Variants in CFAP299 observed in about 807,000 individuals in gnomAD.
CFAP299 encodes cilia and flagella associated protein 299.
CFAP299 carries 21 observed loss-of-function variants against 27.0 expected under a neutral mutation model. The observed-to-expected ratio is 0.78, with a 90% CI of 0.55 to 1.12. The LOEUF (loss-of-function observed/expected upper bound fraction) is 1.12. CFAP299 is among the 50% of genes most tolerant of loss of function. The pLI, the probability that CFAP299 is intolerant of heterozygous loss-of-function variation, is 0.00. For synonymous variants in CFAP299, 104 were observed against 98.1 expected (o/e 1.06, Z -0.36); for missense variants, 310 against 276.6 (o/e 1.12, Z -0.86).
rs74351832 is a variant in CFAP299, at chr4:80,922,749, G to A, written c.477-22061G>A. Reference sequence around the variant, plus strand: ...AATATGTTGACTATGAAGAATATAAGGTATAAACAAGAAAACTGAAATCAC... The same window carrying A: ...AATATGTTGACTATGAAGAATATAAAGTATAAACAAGAAAACTGAAATCAC... On this transcript the variant is annotated intron_variant, in intron 4 of 5. Transcript: ENST00000358105. 3.6e-3 allele frequency among the ~76,000 whole-genome samples: 549 copies of A among 150,866 alleles called. 2 individuals carry two copies. The highest frequency in any genetic ancestry group is 0.012 in the African/African-American group (512 of 41,226).
intron 4 of CFAP299, among the ~76,000 whole-genome samples, chr4:80,927,580 G>A (rs1255386397): frequency 6.6e-6 from 1 of 152,056 alleles, no homozygotes; most frequent in Non-Finnish European, 1.5e-5. Flanking sequence ...TCAAGGTGTT[G>A]GCAGAGCTGC....
At chr4:80,852,595 G>A (rs77892638) in intron 3 of CFAP299, among the ~76,000 whole-genome samples, 2,923 of 152,244 alleles carry the variant, frequency 0.019, 66 homozygotes, top group Admixed American at 0.062. Flanking sequence ...ATTAATTTAC[G>A]TGATTCCTTT....
chr4:80,590,038 A>G (rs1427110537), intron 3 of CFAP299, among the ~76,000 whole-genome samples: 1 of 152,208 alleles, frequency 6.6e-6, no homozygotes, highest in East Asian at 1.9e-4. Context: ...GCATAACCTG[A>G]ATGTTCATAA....
chr4:80,493,005 T>A (rs1731217948), intron 2 of CFAP299, among the ~76,000 whole-genome samples: 1 of 152,106 alleles, frequency 6.6e-6, no homozygotes, highest in African/African-American at 2.4e-5. Flanking sequence ...ATCTCCTATC[T>A]CCAGGAAGTG....
At chr4:80,531,747 GTTTTTTTTTTT>G (rs200507684) in intron 2 of CFAP299, among the ~76,000 whole-genome samples, 7 of 116,488 alleles carry the variant, frequency 6.0e-5, no homozygotes, top group Non-Finnish European at 1.0e-4. Context: ...TAAGATAGAA[GTTTTTTTTTTT>G]TTTTTTTTTT....
intron 2 of CFAP299, among the ~76,000 whole-genome samples, chr4:80,487,301 C>T (rs1222662184): frequency 1.8e-4 from 28 of 152,150 alleles, no homozygotes; most frequent in Admixed American, 1.8e-3. Context: ...GTATGTAGCA[C>T]TGTATCACTT....
Position 80,606,284 on chromosome 4 carries a change from C to T in CFAP299, c.333+23101C>T, listed in dbSNP as rs569803319. 5.9e-5 allele frequency among the ~76,000 whole-genome samples: 9 copies of T among 152,258 alleles called. No homozygotes were observed. In the East Asian group the frequency reaches 7.7e-4, roughly 13 times the overall value. On this transcript the variant is annotated intron_variant, in intron 3 of 5. Transcript: ENST00000358105. ...GGGCGTGGTGGCTCACGCTTGTAAT[C>T]CCAGTGCTTTGGGAGGCCAAGGCGG...
intron 4 of CFAP299, among the ~76,000 whole-genome samples, chr4:80,887,972 A>G (rs1034185163): frequency 6.6e-6 from 1 of 152,070 alleles, no homozygotes; most frequent in African/African-American, 2.4e-5. Flanking sequence ...AAATCATACA[A>G]TGGGCATATA....
intron 2 of CFAP299, among the ~76,000 whole-genome samples, chr4:80,500,186 A>G (rs113419617): frequency 2.0e-5 from 3 of 152,094 alleles, no homozygotes; most frequent in Non-Finnish European, 2.9e-5. Context: ...TTATCCTGCT[A>G]TTCTACCTAG....
At chr4:80,954,580 A>G (rs1261207802) in intron 5 of CFAP299, among the ~76,000 whole-genome samples, 1 of 152,152 alleles carries the variant, frequency 6.6e-6, no homozygotes, top group Non-Finnish European at 1.5e-5. Flanking sequence ...GAAAAGAAAA[A>G]CACAGTTAAA....
intron 3 of CFAP299, among the ~76,000 whole-genome samples, chr4:80,716,442 T>A: frequency 6.6e-6 from 1 of 151,374 alleles, no homozygotes; most frequent in Middle Eastern, 3.5e-3. Flanking sequence ...ACAGATCAAT[T>A]TGGGCTTCAG....
chr4:80,520,075 A>G (rs542964912), intron 2 of CFAP299, among the ~76,000 whole-genome samples: 1 of 152,300 alleles, frequency 6.6e-6, no homozygotes, highest in South Asian at 2.1e-4. Context: ...TTGGAGTTTC[A>G]CTTGGAGACA....
chr4:80,678,759 A>G (rs180835402), intron 3 of CFAP299, among the ~76,000 whole-genome samples: 31 of 152,190 alleles, frequency 2.0e-4, no homozygotes, highest in Non-Finnish European at 3.4e-4. Flanking sequence ...TGAATTTGAA[A>G]TAAGTATGGA....
chr4:80,405,795 A>C (rs1726385696), intron 2 of CFAP299, among the ~76,000 whole-genome samples: 1 of 152,150 alleles, frequency 6.6e-6, no homozygotes, highest in Admixed American at 6.6e-5. Flanking sequence ...CTGATTCTAA[A>C]ATTCACTAGA....
rs186009488 is a variant in CFAP299 at position 80,719,214 on chromosome 4, A to G, written c.333+136031A>G. On this transcript the variant is annotated intron_variant, in intron 3 of 5. Coordinates refer to ENST00000358105, the MANE Select transcript of CFAP299 (RefSeq NM_152770.3). The stretch of plus-strand genomic sequence containing the variant: ...CTAAGTTTAGTACCTGGGTGATGAA[A>G]TAATCTGTACAAAAAACCCCCATGA... 2.6e-5 allele frequency among the ~76,000 whole-genome samples: 4 copies of G among 152,274 alleles called. No homozygotes were observed. The East Asian group carries it at 7.7e-4, about 29-fold the overall frequency.
chr4:80,856,451 T>A (rs1223576841), intron 3 of CFAP299, among the ~76,000 whole-genome samples: 1 of 152,056 alleles, frequency 6.6e-6, no homozygotes, highest in Non-Finnish European at 1.5e-5. Flanking sequence ...CCATTGCTTT[T>A]GGTATTTTAG....
intron 1 of CFAP299, among the ~76,000 whole-genome samples, chr4:80,358,929 T>C (rs987862778): frequency 2.0e-5 from 3 of 152,214 alleles, no homozygotes; most frequent in African/African-American, 7.2e-5. Context: ...GTCTGTGTAC[T>C]TCAGTGTGTT....
chr4:80,631,615 T>G lies in CFAP299; in HGVS notation c.333+48432T>G, dbSNP rs182280896. Among the ~76,000 whole-genome samples, 28 of 152,274 alleles carry G rather than the reference T, an allele frequency of 1.8e-4. No homozygotes were observed. In the East Asian group the frequency reaches 5.4e-3, roughly 29 times the overall value. ...TTTGAAAAAGAGAAGGTACTTCATTTTGTCTCTTACAACATTCAACTACTG... is the reference window on the plus strand; with the variant it reads ...TTTGAAAAAGAGAAGGTACTTCATTGTGTCTCTTACAACATTCAACTACTG... On this transcript the variant is annotated intron_variant, in intron 3 of 5. Coordinates refer to ENST00000358105, the MANE Select transcript of CFAP299 (RefSeq NM_152770.3).
intron 2 of CFAP299, among the ~76,000 whole-genome samples, chr4:80,431,293 C>T (rs1727802162): frequency 6.6e-6 from 1 of 152,120 alleles, no homozygotes; most frequent in African/African-American, 2.4e-5. Flanking sequence ...CAAATATTTG[C>T]AAGGCTTTTC....
Sources: gnomAD v4.1 joint callset for allele counts (sites outside exome capture counted in the v4.1 genomes callset) on GRCh38, gnomAD v4.1.1 for gene constraint, MANE v1.5 for transcripts, NCBI Gene and HGNC (gene_info 2026-07-23, HGNC 2026-07-21) for gene names.